The following TSLP variants were observed in gnomAD, a reference collection of about 807,000 sequenced individuals.
TSLP encodes the protein thymic stromal lymphopoietin.
In TSLP, 12 loss-of-function variants were observed where a neutral mutation model predicts 12.4. The observed-to-expected ratio is 0.97, with a 90% confidence interval of 0.62 to 1.57. The LOEUF (loss-of-function observed/expected upper bound fraction) is 1.57, where lower values mean the gene tolerates loss of function less well. Ranked by LOEUF, TSLP falls within the 40% of genes most tolerant of loss-of-function variation. The pLI, the probability that TSLP is intolerant of heterozygous loss-of-function variation, is 0.00. For synonymous variants in TSLP, 97 were observed against 69.5 expected (o/e 1.40, Z -1.97); for missense variants, 222 against 189.6 (o/e 1.17, Z -1.00).
At chr5:111,074,108 A>G (rs146713562) in intron 3 of TSLP, among the ~76,000 whole-genome samples, 4 of 152,332 alleles carry the variant, frequency 2.6e-5, no homozygotes, top group African/African-American at 4.8e-5. Flanking sequence ...TGCTAAATGT[A>G]TAATTACATT....
intron 3 of TSLP, among the ~76,000 whole-genome samples, chr5:111,074,500 G>A (rs1752439124): frequency 1.3e-5 from 2 of 152,150 alleles, no homozygotes; most frequent in African/African-American, 4.8e-5. Flanking sequence ...TCAGCAAGTA[G>A]AGGATTTATC....
intron 3 of TSLP, among the ~76,000 whole-genome samples, chr5:111,074,477 A>G (rs1469672265): frequency 6.6e-6 from 1 of 152,204 alleles, no homozygotes; most frequent in African/African-American, 2.4e-5. Context: ...CAGGCACTCA[A>G]TATTTATTTC....
chr5:111,073,146 G>A (rs747744582), intron 2 of TSLP, among the ~76,000 whole-genome samples: 9 of 152,242 alleles, frequency 5.9e-5, no homozygotes, highest in Admixed American at 2.0e-4. Flanking sequence ...TCTCTATCCG[G>A]AGGAAAGGCA....
chr5:111,077,865 CATCATACTAAT>C lies in TSLP; in HGVS notation c.*1792_*1802del. 6.6e-6 allele frequency: 1 copy of C among 152,396 alleles called. No individual in the cohort carries two copies. Among genetic ancestry groups the C allele is most frequent in the South Asian group, 2.1e-4 (1 of 4,812 alleles). The allele number at this position is 152,396 out of a possible 1,614,324, so 9.4% of individuals were successfully genotyped here. On this transcript the variant is annotated 3_prime_UTR_variant, in exon 4 of 4. Transcript: ENST00000344895. ...ATTAAAAGTAATGGGCAAGAGATTGCATCATACTAATTTAGTAAGAACGTTCCCAAATGTTG... is the reference window on the plus strand; with the variant it reads ...ATTAAAAGTAATGGGCAAGAGATTGCTTAGTAAGAACGTTCCCAAATGTTG...
In TSLP at chr5:111,076,012, C is replaced by T; in HGVS notation, c.418C>T (p.Gln140Ter). The T allele has an allele frequency of 6.2e-7, 1 of 1,614,102 alleles. No homozygotes were observed. Residue 140 changes from glutamine to a stop codon, truncating the protein, a stop_gained, in exon 4 of 4, where the codon CAA becomes TAA. Transcript: ENST00000344895. LOFTEE classifies it low-confidence loss of function (END_TRUNC). ...RKVTTNKCLEQVSQLQGLWRR... is the reference protein window; with the variant it reads ...RKVTTNKCLE ...AGTCACAACCAATAAATGTCTGGAA[C>T]AAGTGTCACAATTACAAGGATTGTG...
At chr5:111,071,480 A>AT (rs1203530657), upstream of TSLP, 2 of 1,546,194 alleles carry the variant, frequency 1.3e-6, no homozygotes, top group Non-Finnish European at 1.7e-6. Flanking sequence ...GGACATTCAC[A>AT]CTTATGAAGT....
At chr5:111,070,175 A>T (rs186759184), upstream of TSLP, 3 of 152,462 alleles carry the variant, frequency 2.0e-5, no homozygotes. Flanking sequence ...GCGGTGAATC[A>T]GAGGTTTTCT....
At chr5:111,072,988 G>A in intron 2 of TSLP, 56 bp downstream of exon 2, 2 of 1,595,896 alleles carry the variant, frequency 1.3e-6, no homozygotes, top group Non-Finnish European at 8.6e-7. Context: ...AGGCATTTTG[G>A]AGAGGGAGTA....
At chr5:111,074,135 T>A (rs1032557015) in intron 3 of TSLP, among the ~76,000 whole-genome samples, 2 of 152,326 alleles carry the variant, frequency 1.3e-5, no homozygotes, top group South Asian at 2.1e-4. Context: ...AAAATCTCTA[T>A]CCTATGTTTG....
chr5:111,074,310 T>C (rs921125180), intron 3 of TSLP, among the ~76,000 whole-genome samples: 2 of 152,332 alleles, frequency 1.3e-5, no homozygotes, highest in African/African-American at 4.8e-5. Flanking sequence ...CCTGGCCCTA[T>C]AACTTCTGTG....
At chr5:111,070,674 G>C (rs1752319402), upstream of TSLP, 1 of 152,330 alleles carries the variant, frequency 6.6e-6, no homozygotes, top group South Asian at 2.1e-4. Flanking sequence ...CTCTTTTCTG[G>C]ATCAACAAGA....
upstream of TSLP, chr5:111,070,531 A>G (rs560171971): frequency 2.1e-3 from 324 of 152,922 alleles, no homozygotes; most frequent in Non-Finnish European, 4.0e-3. Flanking sequence ...CAGGGGGTTC[A>G]TCTCAGCAAC....
In TSLP at chr5:111,076,151, CTG is replaced by C; in HGVS notation, c.*80_*81del. The C allele has an allele frequency of 6.6e-7, 1 of 1,507,500 alleles. No homozygotes were observed. Among genetic ancestry groups the C allele is most frequent in the Non-Finnish European group, 9.1e-7 (1 of 1,099,812 alleles). 93.4% of individuals were successfully genotyped at this position (1,507,500 alleles called of 1,614,324 possible). A position where few individuals can be genotyped will look rare whatever the true frequency, so the allele number is the denominator to read the frequency against. On this transcript the variant is annotated 3_prime_UTR_variant, in exon 4 of 4. Coordinates refer to ENST00000344895, the MANE Select transcript of TSLP (RefSeq NM_033035.5). ...TAAGTAGATGAAACATTAACTCTAA[CTG>C]TGACAAAGAAGACCACAAATAGTTA...
chr5:111,072,480 A>G (rs1752366994), intron 1 of TSLP, among the ~76,000 whole-genome samples: 2 of 152,332 alleles, frequency 1.3e-5, no homozygotes, highest in Admixed American at 6.5e-5. Flanking sequence ...GCTATTTATT[A>G]CAGAATATGG....
chr5:111,075,210 G>C (rs1752465334), intron 3 of TSLP, among the ~76,000 whole-genome samples: 1 of 152,176 alleles, frequency 6.6e-6, no homozygotes, highest in Non-Finnish European at 1.5e-5. Flanking sequence ...TAATAATAAT[G>C]ATTTTGCAGG....
Position 111,076,148 on chromosome 5 carries a change from T to G in TSLP, c.*74T>G. On this transcript the variant is annotated 3_prime_UTR_variant, in exon 4 of 4. Transcript: ENST00000344895. ...TATTAAGTAGATGAAACATTAACTC[T>G]AACTGTGACAAAGAAGACCACAAAT... 2.3e-5 allele frequency: 35 copies of G among 1,508,532 alleles called. No individual in the cohort carries two copies. The highest frequency in any genetic ancestry group is 1.7e-4 in the Middle Eastern group (1 of 5,830). The allele number at this position is 1,508,532 out of a possible 1,614,324, so 93.4% of individuals were successfully genotyped here. A position where few individuals can be genotyped will look rare whatever the true frequency, so the allele number is the denominator to read the frequency against.
In TSLP at chr5:111,072,764, A is replaced by C. The variant is rs558402327; in HGVS notation, c.172-124A>C. The C allele has an allele frequency of 8.0e-5, 76 of 946,194 alleles. No homozygotes were observed. In the South Asian group the frequency reaches 9.9e-4, roughly 12 times the overall value. The allele number at this position is 946,194 out of a possible 1,614,324, so 58.6% of individuals were successfully genotyped here. A position where few individuals can be genotyped will look rare whatever the true frequency, so the allele number is the denominator to read the frequency against. ...ACTGCCTTGTCAATGACATAGGAAA[A>C]AGGTACCTGAGTGGAAACTGTTTTC... On this transcript the variant is annotated intron_variant, in intron 1 of 3. Transcript: ENST00000344895.
At position 111,077,246 on chromosome 5, in the gene TSLP, G is replaced by C. The variant is rs1752536371; in HGVS notation, c.*1172G>C. Reference sequence around the variant, plus strand: ...AGACATGTTCCTCTAATTACTCCCTGAGGGTTAGTTGGGGCTAAACCATGA... The same window carrying C: ...AGACATGTTCCTCTAATTACTCCCTCAGGGTTAGTTGGGGCTAAACCATGA... On this transcript the variant is annotated 3_prime_UTR_variant, in exon 4 of 4. Transcript: ENST00000344895. 6.6e-6 allele frequency: 1 copy of C among 152,226 alleles called. No homozygotes were observed. Among genetic ancestry groups the C allele is most frequent in the South Asian group, 2.1e-4 (1 of 4,836 alleles). 9.4% of individuals were successfully genotyped at this position (152,226 alleles called of 1,614,324 possible).
At chr5:111,071,346 G>T, upstream of TSLP, 1 of 1,146,418 alleles carries the variant, frequency 8.7e-7, no homozygotes, top group Non-Finnish European at 1.2e-6. Context: ...GAATGCATGG[G>T]ACATATGCAA....
Sources: allele counts gnomAD v4.1 joint callset (sites outside exome capture counted in the v4.1 genomes callset), GRCh38; gene constraint gnomAD v4.1.1; transcripts MANE v1.5; gene names NCBI Gene and HGNC (gene_info 2026-07-23, HGNC 2026-07-21).